AMD1: variants seen among roughly 807,000 people sequenced by gnomAD.
AMD1 encodes S-adenosylmethionine decarboxylase proenzyme.
A neutral mutation model predicts 40.2 loss-of-function variants in AMD1; 11 were observed. That is an observed-to-expected ratio of 0.27 (90% CI 0.17 to 0.45). The LOEUF is 0.45. Ranked by LOEUF, AMD1 falls within the 20% of genes least tolerant of loss-of-function variation. AMD1 has a pLI of 1.00. For synonymous variants in AMD1, 121 were observed against 130.8 expected (o/e 0.93, Z 0.51); for missense variants, 257 against 410.2 (o/e 0.63, Z 3.23).
In AMD1 at chr6:110,875,018, A is replaced by C; in HGVS notation, c.-88A>C. Reference sequence around the variant, plus strand: ...TGAACTTTAGTAACACAGCTGGAACAATCCGCAGCGGCGGCGGCAGCGGCG... The same window carrying C: ...TGAACTTTAGTAACACAGCTGGAACCATCCGCAGCGGCGGCGGCAGCGGCG... On this transcript the variant is annotated 5_prime_UTR_variant, in exon 1 of 9. Transcript: ENST00000368885. 2 of 1,015,418 alleles carry C rather than the reference A, an allele frequency of 2.0e-6. No homozygotes were observed. Among genetic ancestry groups the C allele is most frequent in the Non-Finnish European group, 3.0e-6 (2 of 664,182 alleles). The allele number at this position is 1,015,418 out of a possible 1,614,324, so 62.9% of individuals were successfully genotyped here. A position where few individuals can be genotyped will look rare whatever the true frequency, so the allele number is the denominator to read the frequency against.
At chr6:110,821,566 A>T in the AMD1 span, among the ~76,000 whole-genome samples, 2 of 152,136 alleles carry the variant, frequency 1.3e-5, no homozygotes, top group Admixed American at 6.6e-5. Flanking sequence ...GTGAGCCAAG[A>T]TCATGCCGTT....
At chr6:110,892,867 G>A (rs1307506262) in intron 7 of AMD1, 40 bp downstream of exon 7, 1 of 1,613,376 alleles carries the variant, frequency 6.2e-7, no homozygotes, top group South Asian at 1.1e-5. Context: ...ATTTAAATGT[G>A]AATAGTCTTT....
rs1359671395 is a variant in AMD1, at chr6:110,875,194, G to A, written c.89G>A (p.Gly30Glu). Residue 30 changes from glycine (G) to glutamate (E), a missense_variant, in exon 1 of 9, where the codon GGG becomes GAG. By Grantham distance (98) the Gly-to-Glu change is moderately conservative. Transcript: ENST00000368885. The stretch of plus-strand genomic sequence containing the variant: ...CAGCCCGACGCAAACCAAGGATCTG[G>A]GGATCTTCGCACTATCCCAAGGTGG... ...RQQPDANQGS[G>E]DLRTIPRSEW... is the part of the protein sequence containing the mutation. The A allele has an allele frequency of 3.7e-6, 6 of 1,611,762 alleles. No homozygotes were observed. The highest frequency in any genetic ancestry group is 1.7e-5 in the Admixed American group (1 of 59,724).
At chr6:110,838,491 C>G in the AMD1 span, among the ~76,000 whole-genome samples, 1 of 152,278 alleles carries the variant, frequency 6.6e-6, no homozygotes, top group South Asian at 2.1e-4. Context: ...AAATCAACCT[C>G]TTTTCCATCT....
chr6:110,847,042 A>T, the AMD1 span, among the ~76,000 whole-genome samples: 2 of 146,296 alleles, frequency 1.4e-5, no homozygotes, highest in African/African-American at 5.1e-5. Flanking sequence ...GAACTAGGAG[A>T]GTGTGTGTGT....
At chr6:110,850,536 C>T in the AMD1 span, among the ~76,000 whole-genome samples, 1 of 152,168 alleles carries the variant, frequency 6.6e-6, no homozygotes. Flanking sequence ...AGTTCACTCC[C>T]AGAGTGCCTT....
the AMD1 span, among the ~76,000 whole-genome samples, chr6:110,822,208 T>G: frequency 6.6e-6 from 1 of 151,404 alleles, no homozygotes; most frequent in Non-Finnish European, 1.5e-5. Context: ...AACAGGAAAA[T>G]AGAAGATTCA....
At chr6:110,873,969 G>A (rs1741320083), upstream of AMD1, among the ~76,000 whole-genome samples, 1 of 152,236 alleles carries the variant, frequency 6.6e-6, no homozygotes, top group Non-Finnish European at 1.5e-5. Context: ...GTTTCTAGAA[G>A]TAGTTTTGCT....
At chr6:110,892,581 C>G (rs559577327) in intron 6 of AMD1, 138 bp downstream of exon 6, 3 of 1,411,890 alleles carry the variant, frequency 2.1e-6, no homozygotes, top group African/African-American at 2.9e-5. Flanking sequence ...GGGGGTTTGT[C>G]GTACACAGTA....
chr6:110,887,638 C>A, intron 2 of AMD1, 47 bp downstream of exon 2: 1 of 1,343,222 alleles, frequency 7.4e-7, no homozygotes, highest in Non-Finnish European at 1.0e-6. Flanking sequence ...CAGTCCTAAT[C>A]ATAATGTGAA....
At position 110,892,731 on chromosome 6, in the gene AMD1, C is replaced by CG. The variant is rs761733807; in HGVS notation, c.616-4_616-3insG. On this transcript the variant is annotated splice_region_variant and splice_polypyrimidine_tract_variant and intron_variant, in intron 6 of 8. Coordinates refer to ENST00000368885, the MANE Select transcript of AMD1 (RefSeq NM_001634.6). ...TGTTAAACTCGGTCTTTTTCCCCCC[C>CG]CAGGAGAGTGGAATTCGTGACCTGA... The CG allele has an allele frequency of 4.6e-5, 74 of 1,611,666 alleles. No individual in the cohort carries two copies. Among genetic ancestry groups the CG allele is most frequent in the Non-Finnish European group, 5.8e-5 (68 of 1,179,140 alleles).
chr6:110,820,514 G>A, the AMD1 span, among the ~76,000 whole-genome samples: 2 of 151,956 alleles, frequency 1.3e-5, no homozygotes, highest in Non-Finnish European at 2.9e-5. Flanking sequence ...TGGGATTACA[G>A]GCATGAGCTA....
At chr6:110,857,674 G>GGC in the AMD1 span, among the ~76,000 whole-genome samples, 1 of 119,344 alleles carries the variant, frequency 8.4e-6, no homozygotes, top group African/African-American at 3.3e-5. Flanking sequence ...ATATACAGAT[G>GGC]GCATATATAT....
At chr6:110,847,063 G>GTGGT in the AMD1 span, among the ~76,000 whole-genome samples, 178 of 143,280 alleles carry the variant, frequency 1.2e-3, 1 homozygote, top group African/African-American at 3.6e-3. Context: ...GTGTGTGTGT[G>GTGGT]GTGTGTGTGT....
At chr6:110,840,066 T>C in the AMD1 span, among the ~76,000 whole-genome samples, 1 of 146,730 alleles carries the variant, frequency 6.8e-6, no homozygotes, top group Non-Finnish European at 1.5e-5. Flanking sequence ...TTATCCAGTC[T>C]GAAGTGCAAT....
rs190104017 is a variant in AMD1, at chr6:110,877,111, G to A, written c.110+1896G>A. ...CAAATTGTTTTACTGCTCCAGTGTG[G>A]CTTTTAAAATCATGGCCAAAGTTAA... On this transcript the variant is annotated intron_variant, in intron 1 of 8. Coordinates refer to ENST00000368885, the MANE Select transcript of AMD1 (RefSeq NM_001634.6). 7.9e-5 allele frequency among the ~76,000 whole-genome samples: 12 copies of A among 152,276 alleles called. 1 individual carries two copies. The highest frequency in any genetic ancestry group is 7.8e-4 in the Admixed American group (12 of 15,296).
At chr6:110,861,081 G>A in the AMD1 span, among the ~76,000 whole-genome samples, 1 of 151,972 alleles carries the variant, frequency 6.6e-6, no homozygotes, top group Non-Finnish European at 1.5e-5. Flanking sequence ...CAGATGGGCT[G>A]GGCACGCTGG....
the AMD1 span, among the ~76,000 whole-genome samples, chr6:110,829,675 T>A: frequency 3.7e-4 from 55 of 148,554 alleles, no homozygotes; most frequent in Non-Finnish European, 6.6e-4. Context: ...TCTCAAAAAA[T>A]AATAATAATA....
the AMD1 span, chr6:110,815,402 T>G: frequency 3.2e-6 from 1 of 311,346 alleles, no homozygotes; most frequent in Non-Finnish European, 5.8e-6. Context: ...GCCTCCCTCC[T>G]TCATTTCCTT....
Sources: gnomAD v4.1 joint callset for allele counts (sites outside exome capture counted in the v4.1 genomes callset) on GRCh38, gnomAD v4.1.1 for gene constraint, MANE v1.5 for transcripts, NCBI Gene and HGNC (gene_info 2026-07-23, HGNC 2026-07-21) for gene names.